Variants in LRRC27 observed in about 807,000 individuals in gnomAD.
LRRC27 encodes the protein leucine rich repeat containing 27.
Under a neutral mutation model 55.0 loss-of-function variants are expected in LRRC27, and 57 were observed. The observed-to-expected ratio is 1.04, with a 90% CI of 0.84 to 1.29. The LOEUF is 1.29. Among genes scored for constraint, LRRC27 ranks in the 50% most tolerant of loss-of-function variants. The pLI, the probability that LRRC27 is intolerant of heterozygous loss-of-function variation, is 0.00. For missense variants in LRRC27, 721 were observed against 651.5 expected, an observed-to-expected ratio of 1.11 and a Z score of -1.16; for synonymous variants, 278 against 251.9, an observed-to-expected ratio of 1.10 and a Z score of -0.98.
At chr10:132,333,813 T>C (rs764211202) in intron 2 of LRRC27, 79 bp downstream of exon 2, 2 of 1,069,692 alleles carry the variant, frequency 1.9e-6, no homozygotes, top group Non-Finnish European at 2.7e-6. Context: ...TGGGCTTTAT[T>C]TGTAGGCTTC....
At chr10:132,353,268 C>G in intron 7 of LRRC27, 15 of 1,253,398 alleles carry the variant, frequency 1.2e-5, no homozygotes, top group Non-Finnish European at 1.5e-5. Context: ...TTCTGGGTTC[C>G]GACAATCTCT....
intron 9 of LRRC27, among the ~76,000 whole-genome samples, chr10:132,364,113 A>G (rs1305288078): frequency 6.6e-6 from 1 of 152,034 alleles, no homozygotes; most frequent in African/African-American, 2.4e-5. Flanking sequence ...TGAGGCGCTG[A>G]CACAGGGCAT....
intron 5 of LRRC27, among the ~76,000 whole-genome samples, chr10:132,347,439 G>A (rs188875290): frequency 3.3e-5 from 5 of 151,620 alleles, no homozygotes; most frequent in Admixed American, 6.6e-5. Flanking sequence ...AAGGTCAGGC[G>A]TGCTCAGTGG....
intron 10 of LRRC27, among the ~76,000 whole-genome samples, chr10:132,368,156 T>C (rs1294439356): frequency 6.6e-6 from 1 of 152,124 alleles, no homozygotes; most frequent in African/African-American, 2.4e-5. Flanking sequence ...GTATACAAAA[T>C]CTATATGAGG....
At chr10:132,345,581 C>G (rs1321747190) in intron 5 of LRRC27, among the ~76,000 whole-genome samples, 1 of 152,214 alleles carries the variant, frequency 6.6e-6, no homozygotes, top group Non-Finnish European at 1.5e-5. Flanking sequence ...GACCCCGATG[C>G]TGCCAGGATG....
chr10:132,331,614 G>C (rs754238635), upstream of LRRC27: 2 of 1,612,904 alleles, frequency 1.2e-6, no homozygotes, highest in Non-Finnish European at 1.7e-6. Context: ...AGCCCAGCGG[G>C]AAGGACAGGC....
intron 5 of LRRC27, chr10:132,344,884 G>T (rs1259179532): frequency 1.7e-5 from 7 of 416,372 alleles, no homozygotes; most frequent in Admixed American, 1.5e-4. Context: ...GTGGATTTTG[G>T]TAGAAGTTTA....
At chr10:132,365,318 T>G in intron 9 of LRRC27, 106 bp from the exon 10 acceptor site, 5 of 1,470,328 alleles carry the variant, frequency 3.4e-6, no homozygotes, top group Non-Finnish European at 3.8e-6. Context: ...GGACCGCTGT[T>G]TGGTCTGGGA....
intron 3 of LRRC27, among the ~76,000 whole-genome samples, chr10:132,338,081 C>T (rs927268579): frequency 2.0e-5 from 3 of 152,064 alleles, no homozygotes; most frequent in African/African-American, 7.3e-5. Context: ...TTTGGGAGGC[C>T]GAGGTGGGCA....
intron 9 of LRRC27, among the ~76,000 whole-genome samples, chr10:132,364,794 A>ATG (rs2068960594): frequency 3.4e-5 from 4 of 117,306 alleles, no homozygotes. Context: ...GCCCACACTC[A>ATG]CACCCACCCA....
At chr10:132,337,819 T>A in intron 3 of LRRC27, 124 bp downstream of exon 3, 5 of 1,173,712 alleles carry the variant, frequency 4.3e-6, no homozygotes, top group Middle Eastern at 2.3e-4. Flanking sequence ...TTTAATAGTA[T>A]TTTTAAAGCC....
rs1241473474 is a variant in LRRC27 at position 132,374,645 on chromosome 10, C to T, written c.1417-421C>T. On this transcript the variant is annotated intron_variant, in intron 10 of 10. Transcript: ENST00000368614. This position sits in a 1 kb window ranked among gnomAD's most constrained non-coding sequence, Gnocchi z 4.4. Reference sequence around the variant, plus strand: ...CATCTGCTTCCCAGGACAGTTACGGCTCTAAGGTGTGGTCTTGGCTGTGGT... The same window carrying T: ...CATCTGCTTCCCAGGACAGTTACGGTTCTAAGGTGTGGTCTTGGCTGTGGT... Among the ~76,000 whole-genome samples, 1 of 152,196 alleles carries T rather than the reference C, an allele frequency of 6.6e-6. No homozygotes were observed. The highest frequency in any genetic ancestry group is 1.5e-5 in the Non-Finnish European group (1 of 68,020).
At position 132,364,521 on chromosome 10, in the gene LRRC27, A is replaced by G. The variant is rs112861772; in HGVS notation, c.1290-903A>G. ...CCCTTACATCTACCTCCACACTCGC[A>G]CTTACACCCACACTTAAATCTACCT... is the stretch of plus-strand genomic sequence containing the variant. On this transcript the variant is annotated intron_variant, in intron 9 of 10. Transcript: ENST00000368614. 2.1e-3 allele frequency among the ~76,000 whole-genome samples: 160 copies of G among 75,242 alleles called. 1 individual carries two copies. Among genetic ancestry groups the G allele is most frequent in the East Asian group, 0.01 (25 of 2,450 alleles). 49.4% of individuals were successfully genotyped at this position (75,242 alleles called of 152,430 possible). A position where few individuals can be genotyped will look rare whatever the true frequency, so the allele number is the denominator to read the frequency against.
At chr10:132,351,560 CA>C in intron 6 of LRRC27, 46 bp from the exon 7 acceptor site, 1 of 1,591,200 alleles carries the variant, frequency 6.3e-7, no homozygotes. Flanking sequence ...GAATTACCGT[CA>C]CAGGGTTTTG....
At chr10:132,345,479 G>A (rs902182577) in intron 5 of LRRC27, among the ~76,000 whole-genome samples, 1 of 152,242 alleles carries the variant, frequency 6.6e-6, no homozygotes, top group Non-Finnish European at 1.5e-5. Context: ...TGTTGGCCCT[G>A]TGCTTGCTGA....
rs1013000292 is a variant in LRRC27, at chr10:132,376,936, G to A, written c.*1694G>A. The A allele has an allele frequency of 6.6e-6, 1 of 152,212 alleles. No individual in the cohort carries two copies. The highest frequency in any genetic ancestry group is 2.4e-5 in the African/African-American group (1 of 41,448). The allele number at this position is 152,212 out of a possible 1,614,324, so 9.4% of individuals were successfully genotyped here. A position where few individuals can be genotyped will look rare whatever the true frequency, so the allele number is the denominator to read the frequency against. ...AGTTATGTGAGTTTTTGCTATACGT[G>A]TTTTGGGGCTATTTTGTCAGATGCC... On this transcript the variant is annotated 3_prime_UTR_variant, in exon 11 of 11. Transcript: ENST00000368614.
Position 132,348,173 on chromosome 10 carries a change from A to T in LRRC27, c.743A>T (p.Asp248Val). The T allele has an allele frequency of 1.2e-6, 2 of 1,613,928 alleles. No homozygotes were observed. Among genetic ancestry groups the T allele is most frequent in the Non-Finnish European group, 1.7e-6 (2 of 1,179,992 alleles). Residue 248 changes from aspartate to valine, a missense_variant, in exon 6 of 11, where the codon GAC (aspartate) becomes GTC (valine). By Grantham distance (152) the Asp-to-Val change is radical (BLOSUM62 -3). Transcript: ENST00000368614. This position sits in a 1 kb window ranked among gnomAD's most constrained non-coding sequence, Gnocchi z 4.2. The stretch of plus-strand genomic sequence containing the variant: ...CTGAGTGAACTCAGGAAGTCTGCGG[A>T]CTCCTCAGAGAACTGGCCCAGCGAG... ...PDLSELRKSA[D>V]SSENWPSEEE...
intron 9 of LRRC27, among the ~76,000 whole-genome samples, chr10:132,361,864 C>G (rs112923630): frequency 2.0e-5 from 3 of 151,490 alleles, no homozygotes; most frequent in Non-Finnish European, 4.4e-5. Flanking sequence ...CTGCTGTGGG[C>G]GCCAAGGGGA....
At chr10:132,344,139 A>G (rs1030127299) in intron 4 of LRRC27, among the ~76,000 whole-genome samples, 5 of 152,186 alleles carry the variant, frequency 3.3e-5, no homozygotes, top group Non-Finnish European at 7.3e-5. Flanking sequence ...TCCTGAGTGT[A>G]GGGTACATTT....
Sources: allele counts gnomAD v4.1 joint callset (sites outside exome capture counted in the v4.1 genomes callset), GRCh38; gene constraint gnomAD v4.1.1; non-coding constraint Gnocchi (gnomAD v3.1); transcripts MANE v1.5; gene names NCBI Gene and HGNC (gene_info 2026-07-23, HGNC 2026-07-21).